The following AUNIP variants were observed in gnomAD, a reference collection of about 807,000 sequenced individuals.
AUNIP encodes the protein aurora kinase A and ninein interacting protein, also known as aurora kinase A- and ninein-interacting protein.
Under a neutral mutation model 12.2 loss-of-function variants are expected in AUNIP, and 16 were observed. That is an observed-to-expected ratio of 1.31 (90% CI 0.88 to 1.99). The LOEUF (loss-of-function observed/expected upper bound fraction) is 1.99, where lower values mean the gene tolerates loss of function less well. Among genes scored for constraint, AUNIP ranks in the 30% most tolerant of loss-of-function variants. The probability of loss-of-function intolerance (pLI) is 0.00; values close to 1 mark genes in which losing one functional copy is unlikely to be tolerated. For missense variants in AUNIP, 411 were observed against 419.1 expected, an observed-to-expected ratio of 0.98 and a Z score of 0.17; for synonymous variants, 142 against 154.8, an observed-to-expected ratio of 0.92 and a Z score of 0.61.
chr1:25,849,448 AC>A (rs1212613397), intron 1 of AUNIP, among the ~76,000 whole-genome samples: 2 of 152,072 alleles, frequency 1.3e-5, no homozygotes, highest in East Asian at 3.9e-4. Flanking sequence ...AAAATCACTT[AC>A]TTTCTTTTCT....
chr1:25,836,113 C>T (rs1017391928), intron 2 of AUNIP, among the ~76,000 whole-genome samples: 4 of 152,202 alleles, frequency 2.6e-5, no homozygotes, highest in Admixed American at 1.3e-4. Flanking sequence ...ACATCGCATA[C>T]GATCAGACCA....
At chr1:25,846,391 C>A (rs57018370) in intron 1 of AUNIP, among the ~76,000 whole-genome samples, 5,153 of 118,870 alleles carry the variant, frequency 0.043, 340 homozygotes, top group African/African-American at 0.15. Flanking sequence ...TGCACTCCAG[C>A]GGGCAACAGA....
At chr1:25,846,677 C>T (rs2048385818) in intron 1 of AUNIP, among the ~76,000 whole-genome samples, 1 of 152,162 alleles carries the variant, frequency 6.6e-6, no homozygotes, top group African/African-American at 2.4e-5. Context: ...GAGATCGCAC[C>T]ACTGCACTCC....
chr1:25,853,859 G>A (rs1269570827), intron 1 of AUNIP, among the ~76,000 whole-genome samples: 1 of 152,120 alleles, frequency 6.6e-6, no homozygotes, highest in African/African-American at 2.4e-5. Flanking sequence ...AGGTCACAAA[G>A]CCATTTATGA....
In AUNIP at chr1:25,837,608, A is replaced by G; in HGVS notation, c.79-54T>C. 3 of 1,552,930 alleles carry G rather than the reference A, an allele frequency of 1.9e-6. No individual in the cohort carries two copies. The South Asian group carries it at 3.5e-5, about 18-fold the overall frequency. ...AGCCTATTAATATTAAAAGACATAC[A>G]GTAGAGATTCAGTACACACCAGTGA... On this transcript the variant is annotated intron_variant, in intron 1 of 2. Transcript: ENST00000374298.
chr1:25,856,519 TA>T (rs1189928099), intron 1 of AUNIP, among the ~76,000 whole-genome samples: 2 of 148,666 alleles, frequency 1.3e-5, no homozygotes, highest in Non-Finnish European at 3.0e-5. Flanking sequence ...CTACTAAAAA[TA>T]CAAATTCACC....
In AUNIP at chr1:25,835,539, G is replaced by C; in HGVS notation, c.528C>G (p.Thr176=). ...GCAAACAAGAACTTTCCAAGTCCTC[G>C]GTGAAGGAAAAAGCCAGTGGGGTAT... The part of the protein sequence containing the change: ...DSHTPLAFSF[T]EDLESSCLLD... Residue 176 remains threonine, a synonymous_variant, in exon 3 of 3, where the codon ACC becomes ACG. Transcript: ENST00000374298. The C allele has an allele frequency of 1.9e-6, 3 of 1,614,130 alleles. No individual in the cohort carries two copies. Among genetic ancestry groups the C allele is most frequent in the Non-Finnish European group, 2.5e-6 (3 of 1,180,018 alleles).
chr1:25,848,483 C>CAA (rs761716480), intron 1 of AUNIP, among the ~76,000 whole-genome samples: 2,181 of 61,366 alleles, frequency 0.036, 67 homozygotes, highest in African/African-American at 0.1. Context: ...AACTCCGTCT[C>CAA]AAAAAAAAAA....
At chr1:25,841,906 T>C (rs889350881) in intron 1 of AUNIP, among the ~76,000 whole-genome samples, 2 of 152,198 alleles carry the variant, frequency 1.3e-5, no homozygotes, top group African/African-American at 4.8e-5. Flanking sequence ...ACTTCATCAA[T>C]AAATGTTGTG....
intron 1 of AUNIP, among the ~76,000 whole-genome samples, chr1:25,858,895 CGCATCCATCT>C (rs891844071): frequency 1.2e-4 from 19 of 152,244 alleles, no homozygotes; most frequent in African/African-American, 4.6e-4. Flanking sequence ...AATTTGCATT[CGCATCCATCT>C]CCCAATGCTC....
chr1:25,835,008 G>A lies in AUNIP; in HGVS notation c.1059C>T (p.Ile353=). 1 of 1,609,060 alleles carries A rather than the reference G, an allele frequency of 6.2e-7. No individual in the cohort carries two copies. ...CTTCAAACATTTAGAATTGGTGTCT[G>A]ATAACTTGATTACCTTCAGAGTCCT... The part of the protein sequence containing the change: ...FTQDSEGNQV[I]RHQF The change falls in exon 3 of 3, where the codon ATC becomes ATT. Residue 353 remains isoleucine, a synonymous_variant. Transcript: ENST00000374298.
At chr1:25,845,620 A>G (rs213627) in intron 1 of AUNIP, among the ~76,000 whole-genome samples, 38,561 of 152,132 alleles carry the variant, frequency 0.25, 5,738 homozygotes, top group African/African-American at 0.4. Context: ...ACAAAATCCC[A>G]ACATCAGCAT....
Position 25,834,823 on chromosome 1 carries a change from T to A in AUNIP, c.*170A>T, listed in dbSNP as rs1455257189. The A allele has an allele frequency of 2.8e-6, 4 of 1,443,632 alleles. No individual in the cohort carries two copies. Among genetic ancestry groups the A allele is most frequent in the Non-Finnish European group, 3.6e-6 (4 of 1,104,540 alleles). The allele number at this position is 1,443,632 out of a possible 1,614,324, so 89.4% of individuals were successfully genotyped here. Reference sequence around the variant, plus strand: ...GAAAGCCATGATGCCAATCCCACTGTCTTAACAATGGTACTGCCCTTTATT... The same window carrying A: ...GAAAGCCATGATGCCAATCCCACTGACTTAACAATGGTACTGCCCTTTATT... On this transcript the variant is annotated 3_prime_UTR_variant, in exon 3 of 3. Transcript: ENST00000374298.
intron 2 of AUNIP, 25 bp from the exon 3 acceptor site, chr1:25,835,871 A>G (rs2048299316): frequency 1.6e-5 from 26 of 1,604,962 alleles, no homozygotes; most frequent in South Asian, 2.2e-5. Context: ...ATGAACAAAT[A>G]TTATTCTGCA....
chr1:25,844,023 G>A (rs543967624), intron 1 of AUNIP, among the ~76,000 whole-genome samples: 4 of 152,314 alleles, frequency 2.6e-5, no homozygotes, highest in Admixed American at 1.3e-4. Context: ...GGAGTTTTGT[G>A]GGTAAAATGC....
At chr1:25,852,458 T>G (rs12047425) in intron 1 of AUNIP, among the ~76,000 whole-genome samples, 67,065 of 142,436 alleles carry the variant, frequency 0.47, 17,930 homozygotes, top group South Asian at 0.75. Flanking sequence ...GTTTTTTTTT[T>G]TGTTGTTTTT....
chr1:25,842,533 A>C (rs2048353590), intron 1 of AUNIP, among the ~76,000 whole-genome samples: 1 of 152,272 alleles, frequency 6.6e-6, no homozygotes, highest in Non-Finnish European at 1.5e-5. Flanking sequence ...TCACTGATGA[A>C]GGTGGCTACA....
intron 1 of AUNIP, among the ~76,000 whole-genome samples, chr1:25,846,704 C>T (rs903924517): frequency 1.3e-5 from 2 of 152,168 alleles, no homozygotes; most frequent in Admixed American, 6.5e-5. Flanking sequence ...GGCAGCTAAG[C>T]GAGACTCCGT....
At chr1:25,853,936 C>A (rs2048440445) in intron 1 of AUNIP, among the ~76,000 whole-genome samples, 1 of 152,166 alleles carries the variant, frequency 6.6e-6, no homozygotes, top group African/African-American at 2.4e-5. Flanking sequence ...CAAGTTACGG[C>A]CCGGCGCAGT....
Sources: allele counts gnomAD v4.1 joint callset (sites outside exome capture counted in the v4.1 genomes callset), GRCh38; gene constraint gnomAD v4.1.1; transcripts MANE v1.5; gene names NCBI Gene and HGNC (gene_info 2026-07-23, HGNC 2026-07-21).